Variants in SMG5 observed in about 807,000 individuals in gnomAD.
SMG5 encodes the protein SMG5 nonsense mediated mRNA decay factor, also known as nonsense-mediated mRNA decay factor SMG5.
A neutral mutation model predicts 122.9 loss-of-function variants in SMG5; 53 were observed. That is an observed-to-expected ratio of 0.43 (90% CI 0.35 to 0.54). The LOEUF (loss-of-function observed/expected upper bound fraction) is 0.54, where lower values mean the gene tolerates loss of function less well. Ranked by LOEUF, SMG5 falls within the 20% of genes least tolerant of loss-of-function variation. SMG5 has a pLI of 0.01. For synonymous variants in SMG5, 477 were observed against 490.2 expected, an observed-to-expected ratio of 0.97 and a Z score of 0.35; for missense variants, 1,153 against 1,285.6, an observed-to-expected ratio of 0.90 and a Z score of 1.58.
upstream of SMG5, among the ~76,000 whole-genome samples, chr1:156,283,751 T>C (rs1014151265): frequency 5.3e-5 from 8 of 152,214 alleles, no homozygotes; most frequent in Non-Finnish European, 1.0e-4. Flanking sequence ...AGCCTAAGTC[T>C]TTCCCATCCA....
chr1:156,288,340 C>CTTT, the SMG5 span, among the ~76,000 whole-genome samples: 1 of 133,150 alleles, frequency 7.5e-6, no homozygotes. Flanking sequence ...CTTTTTTTTT[C>CTTT]TTTTTTTTTT....
At chr1:156,273,323 C>A (rs758638490) in intron 6 of SMG5, 38 bp downstream of exon 6, 1 of 1,564,772 alleles carries the variant, frequency 6.4e-7, no homozygotes, top group East Asian at 2.2e-5. Flanking sequence ...CTAGGAAAAC[C>A]CTACTGGATT....
intron 12 of SMG5, 97 bp downstream of exon 12, chr1:156,265,684 G>C (rs992002879): frequency 1.3e-6 from 2 of 1,520,956 alleles, no homozygotes; most frequent in Admixed American, 4.0e-5. Flanking sequence ...GGGTAGAGAC[G>C]AGAGGTCATT....
chr1:156,288,495 C>A, the SMG5 span, among the ~76,000 whole-genome samples: 2 of 151,930 alleles, frequency 1.3e-5, no homozygotes, highest in African/African-American at 2.4e-5. Context: ...CCACCATGCC[C>A]AGCTAATTTT....
chr1:156,262,614 T>C (rs544543055), intron 13 of SMG5, among the ~76,000 whole-genome samples: 399 of 152,198 alleles, frequency 2.6e-3, no homozygotes, highest in African/African-American at 9.1e-3. Context: ...AGCCCTCCCA[T>C]GTGCCCATAC....
At chr1:156,260,652 C>T in intron 14 of SMG5, 26 bp from the exon 15 acceptor site, 1 of 1,478,890 alleles carries the variant, frequency 6.8e-7, no homozygotes, top group South Asian at 1.5e-5. Flanking sequence ...ACACATAAGA[C>T]CATCTGTCCT....
chr1:156,267,418 T>A, intron 10 of SMG5, 52 bp downstream of exon 10: 1 of 1,557,664 alleles, frequency 6.4e-7, no homozygotes, highest in Non-Finnish European at 8.8e-7. Context: ...AAAAGGGGAG[T>A]GAGGATCCCC....
In SMG5 at chr1:156,266,160, G is replaced by A; in HGVS notation, c.1476C>T (p.Gly492=). ...GACTCTTGTCAGAGCCACTGTCTGAGCCCTCACTGGCCCGGGCTGAGTCAT... is the reference window on the plus strand; with the variant it reads ...GACTCTTGTCAGAGCCACTGTCTGAACCCTCACTGGCCCGGGCTGAGTCAT... The part of the protein sequence containing the change: ...SSHDSARASE[G]SDSGSDKSLE... The change falls in exon 12 of 22, where the codon GGC becomes GGT. Residue 492 remains glycine (G), a synonymous_variant. Coordinates refer to ENST00000361813, the MANE Select transcript of SMG5 (RefSeq NM_015327.3). 1 of 1,614,232 alleles carries A rather than the reference G, an allele frequency of 6.2e-7. No homozygotes were observed. The highest frequency in any genetic ancestry group is 8.5e-7 in the Non-Finnish European group (1 of 1,180,038).
chr1:156,272,199 C>T, intron 7 of SMG5, 121 bp downstream of exon 7: 2 of 881,004 alleles, frequency 2.3e-6, no homozygotes, highest in South Asian at 3.1e-5. Flanking sequence ...AGAGACCCTT[C>T]AATCTTAGCA....
intron 7 of SMG5, among the ~76,000 whole-genome samples, chr1:156,271,440 T>C (rs746144392): frequency 6.6e-6 from 1 of 152,194 alleles, no homozygotes; most frequent in Admixed American, 6.5e-5. Flanking sequence ...AGTTTCTCAG[T>C]ATAACTTAAA....
rs1662821829 is a variant in SMG5 at position 156,279,159 on chromosome 1, G to A, written c.75-125C>T. Reference sequence around the variant, plus strand: ...GTGAGGGAAAAAGGAGAAGGCTGCAGGCTGAGCTCTGTACAAAACAAGATG... The same window carrying A: ...GTGAGGGAAAAAGGAGAAGGCTGCAAGCTGAGCTCTGTACAAAACAAGATG... On this transcript the variant is annotated intron_variant, in intron 1 of 21. Transcript: ENST00000361813. The A allele has an allele frequency of 1.1e-5, 9 of 796,240 alleles. No individual in the cohort carries two copies. The South Asian group carries it at 1.4e-4, about 12-fold the overall frequency. 49.3% of individuals were successfully genotyped at this position (796,240 alleles called of 1,614,324 possible). A position where few individuals can be genotyped will look rare whatever the true frequency, so the allele number is the denominator to read the frequency against.
chr1:156,273,489 T>G (rs1162257904), intron 5 of SMG5, 39 bp from the exon 6 acceptor site: 2 of 1,590,314 alleles, frequency 1.3e-6, no homozygotes, highest in East Asian at 4.5e-5. Context: ...TCGATGATTT[T>G]AAGTTTCAGA....
chr1:156,263,260 G>T, intron 13 of SMG5, 135 bp downstream of exon 13: 1 of 1,014,336 alleles, frequency 9.9e-7, no homozygotes, highest in Non-Finnish European at 1.5e-6. Flanking sequence ...TAAGGGCCCA[G>T]CACAGATAGG....
In SMG5 at chr1:156,282,630, G is replaced by A. The variant is rs748895126; in HGVS notation, c.51C>T (p.Val17=). 3.1e-6 allele frequency: 5 copies of A among 1,609,022 alleles called. No individual in the cohort carries two copies. The highest frequency in any genetic ancestry group is 4.5e-5 in the East Asian group (2 of 44,854). The change falls in exon 1 of 22, where the codon GTC becomes GTT. Residue 17 remains valine, a synonymous_variant. Coordinates refer to ENST00000361813, the MANE Select transcript of SMG5 (RefSeq NM_015327.3). The part of the protein sequence containing the change: ...TGESSEPEAK[V]LHTKRLYRAV... The stretch of plus-strand genomic sequence containing the variant: ...ACCGGTAAAGCCGCTTAGTGTGGAG[G>A]ACTTTTGCTTCGGGCTCGCTGCTCT...
chr1:156,266,405 GA>G lies in SMG5; in HGVS notation c.1256-26del, dbSNP rs1343937695. 8.7e-6 allele frequency: 14 copies of G among 1,604,278 alleles called. No individual in the cohort carries two copies. The Middle Eastern group carries it at 5.0e-4, about 57-fold the overall frequency. ...TCTGCGGAAAGAGGAAGGTCAGGTG[GA>G]GCCCGAGGAACAGGTGGAGCCTGGA... On this transcript the variant is annotated intron_variant, in intron 11 of 21. Transcript: ENST00000361813.
chr1:156,276,378 C>T (rs565188026), intron 4 of SMG5, among the ~76,000 whole-genome samples: 16 of 151,804 alleles, frequency 1.1e-4, no homozygotes, highest in African/African-American at 2.4e-4. Context: ...CCACCTGCCT[C>T]GGCCTCTCAA....
In SMG5 at chr1:156,249,335, G is replaced by A. The variant is rs1199212761; in HGVS notation, c.*1252C>T. 4.8e-6 allele frequency: 1 copy of A among 208,584 alleles called. No homozygotes were observed. The highest frequency in any genetic ancestry group is 1.2e-4 in the East Asian group (1 of 8,338). 12.9% of individuals were successfully genotyped at this position (208,584 alleles called of 1,614,324 possible). Reference sequence around the variant, plus strand: ...TTCCCAGACTTGCTATTTTAGAGGAGAGAGGCAGGAAGCCAACTATCCTCT... The same window carrying A: ...TTCCCAGACTTGCTATTTTAGAGGAAAGAGGCAGGAAGCCAACTATCCTCT... On this transcript the variant is annotated 3_prime_UTR_variant, in exon 22 of 22. Transcript: ENST00000361813.
chr1:156,272,733 T>G (rs1662491578), intron 6 of SMG5, among the ~76,000 whole-genome samples: 1 of 152,066 alleles, frequency 6.6e-6, no homozygotes, highest in African/African-American at 2.4e-5. Flanking sequence ...CCCACCACCA[T>G]GCCCGGCTAA....
At chr1:156,291,308 C>T in the SMG5 span, 1 of 1,369,512 alleles carries the variant, frequency 7.3e-7, no homozygotes. Flanking sequence ...CTATCTACTC[C>T]CCCCACCGTC....
Sources: gnomAD v4.1 joint callset for allele counts (sites outside exome capture counted in the v4.1 genomes callset) on GRCh38, gnomAD v4.1.1 for gene constraint, MANE v1.5 for transcripts, NCBI Gene and HGNC (gene_info 2026-07-23, HGNC 2026-07-21) for gene names.